Variants in SMC6 observed in about 807,000 individuals in gnomAD.
The protein encoded by SMC6 is structural maintenance of chromosomes protein 6.
Under a neutral mutation model 142.2 loss-of-function variants are expected in SMC6, and 79 were observed. The ratio of observed to expected loss-of-function variants is 0.56; its 90% CI spans 0.46 to 0.67. The LOEUF is 0.67. SMC6 is among the 30% of genes least tolerant of loss of function. SMC6 has a pLI of 0.00. For synonymous variants in SMC6, 411 were observed against 412.4 expected, an observed-to-expected ratio of 1.00 and a Z score of 0.04; for missense variants, 1,072 against 1,284.0, an observed-to-expected ratio of 0.83 and a Z score of 2.52.
At chr2:17,739,424 C>A (rs1437499448) in intron 4 of SMC6, among the ~76,000 whole-genome samples, 1 of 152,130 alleles carries the variant, frequency 6.6e-6, no homozygotes, top group Non-Finnish European at 1.5e-5. Flanking sequence ...GCAGGTGGAT[C>A]ACTTGAGGCC....
At chr2:17,701,152 A>T (rs1156770563) in intron 20 of SMC6, among the ~76,000 whole-genome samples, 1 of 151,632 alleles carries the variant, frequency 6.6e-6, no homozygotes, top group Non-Finnish European at 1.5e-5. Flanking sequence ...TAAAAAATGG[A>T]GACAAATTCT....
chr2:17,715,160 T>A, intron 15 of SMC6, 95 bp from the exon 16 acceptor site: 2 of 1,164,922 alleles, frequency 1.7e-6, no homozygotes, highest in Non-Finnish European at 1.2e-6. Flanking sequence ...ATGACTTATA[T>A]TTTTATATAA....
intron 3 of SMC6, 95 bp from the exon 4 acceptor site, chr2:17,741,824 C>A: frequency 1.4e-6 from 1 of 703,338 alleles, no homozygotes; most frequent in Non-Finnish European, 2.3e-6. Context: ...AGCACCATCA[C>A]CAATGAAAAA....
At chr2:17,712,672 C>A (rs1336562608) in intron 16 of SMC6, among the ~76,000 whole-genome samples, 1 of 152,090 alleles carries the variant, frequency 6.6e-6, no homozygotes, top group Non-Finnish European at 1.5e-5. Flanking sequence ...CATTATAATA[C>A]CCTAATAATA....
In SMC6 at chr2:17,753,720, G is replaced by A. The variant is rs1671228244; in HGVS notation, c.-187C>T. The A allele has an allele frequency of 1.3e-5, 2 of 152,288 alleles. No homozygotes were observed. Among genetic ancestry groups the A allele is most frequent in the Non-Finnish European group, 2.9e-5 (2 of 68,088 alleles). 9.4% of individuals were successfully genotyped at this position (152,288 alleles called of 1,614,324 possible). On this transcript the variant is annotated 5_prime_UTR_variant, in exon 1 of 28. Transcript: ENST00000448223. ...GCCACCCTGCGGGCGTCTCGACCTC[G>A]GCTGACCGCCGCTGGCCCCCTGGGA...
Position 17,695,219 on chromosome 2 carries a change from T to A in SMC6, c.2611A>T (p.Ile871Phe). The A allele has an allele frequency of 6.2e-7, 1 of 1,613,730 alleles. No individual in the cohort carries two copies. The highest frequency in any genetic ancestry group is 8.5e-7 in the Non-Finnish European group (1 of 1,179,816). The change falls in exon 23 of 28, where the codon ATT becomes TTT. Residue 871 changes from isoleucine to phenylalanine, a missense_variant. Coordinates refer to ENST00000448223, the MANE Select transcript of SMC6 (RefSeq NM_001142286.2). The stretch of plus-strand genomic sequence containing the variant: ...TGTATCTTCTGCCTTAATCGATTAA[T>A]TTCTTTGTCCAGAATTGATGCAGAT... ...EKSASILDKEINRLRQKIQAE... is the reference protein window; with the variant it reads ...EKSASILDKEFNRLRQKIQAE...
At chr2:17,716,707 T>A in intron 14 of SMC6, 34 bp downstream of exon 14, 1 of 1,589,486 alleles carries the variant, frequency 6.3e-7, no homozygotes, top group Non-Finnish European at 8.5e-7. Context: ...TAAAAGTAAT[T>A]GAAAAAAATC....
At position 17,666,437 on chromosome 2, in the gene SMC6, G is replaced by A. The variant is rs748018605; in HGVS notation, c.3144C>T (p.Leu1048=). Residue 1048 remains leucine (L), a synonymous_variant, in exon 27 of 28, where the codon CTC becomes CTT. Coordinates refer to ENST00000448223, the MANE Select transcript of SMC6 (RefSeq NM_001142286.2). ...DSQRFRQFIL[L]TPQSMSSLPS... ...AAAGTTACCTCATGCTTTGAGGTGT[G>A]AGCAAGATAAACTGTCTAAAACGCT... 2 of 1,613,502 alleles carry A rather than the reference G, an allele frequency of 1.2e-6. No homozygotes were observed. The highest frequency in any genetic ancestry group is 4.5e-5 in the East Asian group (2 of 44,846).
chr2:17,738,295 T>G lies in SMC6; in HGVS notation c.270A>C (p.Ile90=), dbSNP rs1670255499. 3.7e-6 allele frequency: 6 copies of G among 1,613,598 alleles called. No individual in the cohort carries two copies. In the East Asian group the frequency reaches 1.3e-4, roughly 36 times the overall value. ...CAACTGCTCTTCCACCAAGACCGACTATGAGAGCTGTGAGTACTGCACTCT... is the reference window on the plus strand; with the variant it reads ...CAACTGCTCTTCCACCAAGACCGACGATGAGAGCTGTGAGTACTGCACTCT... ...SGKSAVLTAL[I]VGLGGRAVAT... The change falls in exon 5 of 28, where the codon ATA becomes ATC. Residue 90 remains isoleucine (I), a synonymous_variant. Transcript: ENST00000448223.
chr2:17,741,438 A>T (rs1670467439), intron 4 of SMC6, among the ~76,000 whole-genome samples, 174 bp downstream of exon 4: 1 of 152,248 alleles, frequency 6.6e-6, no homozygotes, highest in Non-Finnish European at 1.5e-5. Context: ...GAGTTAACTC[A>T]GTATTTTCTT....
chr2:17,687,929 G>C (rs1022130811), intron 23 of SMC6, among the ~76,000 whole-genome samples: 3 of 152,186 alleles, frequency 2.0e-5, no homozygotes, highest in African/African-American at 7.2e-5. Context: ...AACACATCTT[G>C]AATGTTTTTC....
intron 4 of SMC6, among the ~76,000 whole-genome samples, chr2:17,738,738 G>A (rs549974611): frequency 1.3e-5 from 2 of 152,030 alleles, no homozygotes; most frequent in African/African-American, 2.4e-5. Flanking sequence ...CTGTAACCTC[G>A]GACTCCTGGG....
chr2:17,690,522 A>G (rs1376923843), intron 23 of SMC6, among the ~76,000 whole-genome samples: 2 of 152,162 alleles, frequency 1.3e-5, no homozygotes, highest in Non-Finnish European at 1.5e-5. Flanking sequence ...TGAACCCAGG[A>G]GGCAGAGGTT....
rs1036572669 is a variant in SMC6 at position 17,721,748 on chromosome 2, T to G, written c.727-487A>C. Among the ~76,000 whole-genome samples the G allele has an allele frequency of 3.3e-5, 5 of 150,750 alleles. No individual in the cohort carries two copies. In the Admixed American group the frequency reaches 3.3e-4, roughly 10 times the overall value. On this transcript the variant is annotated intron_variant, in intron 9 of 27. Transcript: ENST00000448223. Reference sequence around the variant, plus strand: ...GTCTCACTCTGTTACCAGGCTGGAGTGCAGTGGCACAATCTCGGCTCACTG... The same window carrying G: ...GTCTCACTCTGTTACCAGGCTGGAGGGCAGTGGCACAATCTCGGCTCACTG...
rs909507703 is a variant in SMC6, at chr2:17,753,777, C to T, written c.-244G>A. ...TGCCGGCCGCAGGAGAAGGTAGATT[C>T]CCGGGAGCCCCGGCGCCCACCGCGG... On this transcript the variant is annotated 5_prime_UTR_variant, in exon 1 of 28. Coordinates refer to ENST00000448223, the MANE Select transcript of SMC6 (RefSeq NM_001142286.2). 1.3e-5 allele frequency: 2 copies of T among 152,236 alleles called. No individual in the cohort carries two copies. The highest frequency in any genetic ancestry group is 2.1e-4 in the South Asian group (1 of 4,828). 9.4% of individuals were successfully genotyped at this position (152,236 alleles called of 1,614,324 possible). A position where few individuals can be genotyped will look rare whatever the true frequency, so the allele number is the denominator to read the frequency against.
At chr2:17,698,614 G>C (rs1167429324) in intron 21 of SMC6, among the ~76,000 whole-genome samples, 1 of 151,974 alleles carries the variant, frequency 6.6e-6, no homozygotes, top group Non-Finnish European at 1.5e-5. Context: ...CTATATGGCT[G>C]TATTTGAAGT....
chr2:17,739,845 G>GACACACACACACACACAC (rs776038205), intron 4 of SMC6, among the ~76,000 whole-genome samples: 3 of 110,486 alleles, frequency 2.7e-5, no homozygotes, highest in African/African-American at 9.7e-5. Flanking sequence ...CACACACACA[G>GACACACACACACACACAC]ACACACACAC....
At chr2:17,737,332 A>G (rs915662157) in intron 5 of SMC6, among the ~76,000 whole-genome samples, 1 of 152,244 alleles carries the variant, frequency 6.6e-6, no homozygotes, top group Non-Finnish European at 1.5e-5. Flanking sequence ...TGAATGAGAA[A>G]AAAGATATTA....
intron 2 of SMC6, among the ~76,000 whole-genome samples, chr2:17,748,782 A>G (rs1362962727): frequency 6.6e-6 from 1 of 152,196 alleles, no homozygotes; most frequent in Non-Finnish European, 1.5e-5. Context: ...CCTTTTAGAA[A>G]CTGTTTTTAT....
Sources: allele counts gnomAD v4.1 joint callset (sites outside exome capture counted in the v4.1 genomes callset), GRCh38; gene constraint gnomAD v4.1.1; transcripts MANE v1.5; gene names NCBI Gene and HGNC (gene_info 2026-07-23, HGNC 2026-07-21).